Variants in PCSK5 observed in about 807,000 individuals in gnomAD.
PCSK5 encodes proprotein convertase subtilisin/kexin type 5, also known as prohormone convertase 5.
PCSK5 carries 129 observed loss-of-function variants against 233.2 expected under a neutral mutation model. The ratio of observed to expected loss-of-function variants is 0.55; its 90% CI spans 0.48 to 0.64. PCSK5 has a LOEUF of 0.64. PCSK5 is among the 30% of genes least tolerant of loss of function. The probability of loss-of-function intolerance (pLI) is 0.00; values close to 1 mark genes in which losing one functional copy is unlikely to be tolerated. For synonymous variants in PCSK5, 825 were observed against 879.2 expected, an observed-to-expected ratio of 0.94 and a Z score of 1.09; for missense variants, 2,076 against 2,430.1, an observed-to-expected ratio of 0.85 and a Z score of 3.06.
At chr9:76,185,941 G>A (rs1337840046) in intron 17 of PCSK5, among the ~76,000 whole-genome samples, 1 of 152,068 alleles carries the variant, frequency 6.6e-6, no homozygotes, top group East Asian at 1.9e-4. Flanking sequence ...AATAAAAGAT[G>A]ATTTAAATTA....
rs546744650 is a variant in PCSK5, at chr9:76,157,006, G to A, written c.1313-39G>A. The stretch of plus-strand genomic sequence containing the variant: ...TGAGTGACGTTATAATTTGACCTAT[G>A]TAGCTTAGTGAAGCTGACCAGTCTC... On this transcript the variant is annotated intron_variant, in intron 10 of 37. Coordinates refer to ENST00000674117, the MANE Select transcript of PCSK5 (RefSeq NM_001372043.1). The A allele has an allele frequency of 2.7e-5, 38 of 1,403,174 alleles. No homozygotes were observed. The South Asian group carries it at 4.3e-4, about 16-fold the overall frequency. The allele number at this position is 1,403,174 out of a possible 1,614,324, so 86.9% of individuals were successfully genotyped here.
chr9:76,284,518 C>CTTTTTTTTTTTTTTTTTTTTTTTTTT (rs35359559), intron 24 of PCSK5, among the ~76,000 whole-genome samples: 1 of 127,290 alleles, frequency 7.9e-6, no homozygotes, highest in Non-Finnish European at 1.6e-5. Flanking sequence ...CCATTAAACC[C>CTTTTTTTTTTTTTTTTTTTTTTTTTT]TTTTTTTTTT....
intron 24 of PCSK5, among the ~76,000 whole-genome samples, chr9:76,281,184 G>A (rs114644901): frequency 0.022 from 3,299 of 152,342 alleles, 120 homozygotes; most frequent in African/African-American, 0.075. Flanking sequence ...GCAAACAACA[G>A]ATTTCCAGTT....
chr9:75,985,580 G>C (rs1163974162), intron 2 of PCSK5, among the ~76,000 whole-genome samples: 1 of 152,044 alleles, frequency 6.6e-6, no homozygotes, highest in African/African-American at 2.4e-5. Flanking sequence ...AAGTCAGTAA[G>C]TCAGGAATTA....
intron 25 of PCSK5, 55 bp downstream of exon 25, chr9:76,292,330 T>A: frequency 9.2e-7 from 1 of 1,089,142 alleles, no homozygotes; most frequent in Non-Finnish European, 1.4e-6. Flanking sequence ...TAAGCATTAC[T>A]GACATAATCC....
chr9:76,062,718 A>C (rs1028622116), intron 5 of PCSK5, among the ~76,000 whole-genome samples: 1 of 152,230 alleles, frequency 6.6e-6, no homozygotes, highest in East Asian at 1.9e-4. Flanking sequence ...TGGTATTTCA[A>C]TATATGCATG....
At chr9:75,968,684 G>T (rs1368819811) in intron 2 of PCSK5, among the ~76,000 whole-genome samples, 8 of 152,300 alleles carry the variant, frequency 5.3e-5, no homozygotes, top group Middle Eastern at 3.4e-3. Context: ...CCAGCCAGGG[G>T]ATTATTAGGG....
chr9:76,159,495 T>C (rs1368349856), intron 12 of PCSK5, among the ~76,000 whole-genome samples: 1 of 152,220 alleles, frequency 6.6e-6, no homozygotes, highest in Non-Finnish European at 1.5e-5. Context: ...TAAGTATCTG[T>C]TGTCATTCGT....
intron 7 of PCSK5, among the ~76,000 whole-genome samples, chr9:76,085,135 G>C (rs144847001): frequency 6.8e-4 from 103 of 152,300 alleles, no homozygotes; most frequent in African/African-American, 2.3e-3. Context: ...TGTCGAGTGG[G>C]TCAGGTGGGC....
intron 2 of PCSK5, among the ~76,000 whole-genome samples, chr9:75,963,472 A>G (rs1427497149): frequency 6.6e-6 from 1 of 152,232 alleles, no homozygotes; most frequent in Admixed American, 6.5e-5. Context: ...GCCTCTTGAC[A>G]TTTAGTTTTC....
chr9:76,007,388 T>G (rs2131443895), intron 3 of PCSK5, among the ~76,000 whole-genome samples: 1 of 152,316 alleles, frequency 6.6e-6, no homozygotes, highest in African/African-American at 2.4e-5. Context: ...GGTAGATATT[T>G]GTCTACTAGT....
At chr9:76,039,620 A>G (rs539471375) in intron 5 of PCSK5, among the ~76,000 whole-genome samples, 3 of 152,334 alleles carry the variant, frequency 2.0e-5, no homozygotes, top group South Asian at 2.1e-4. Flanking sequence ...AAGCATGCCT[A>G]TGCTGATCCA....
intron 1 of PCSK5, among the ~76,000 whole-genome samples, chr9:75,924,844 T>C (rs903387573): frequency 6.6e-6 from 1 of 152,168 alleles, no homozygotes; most frequent in African/African-American, 2.4e-5. Flanking sequence ...GAGCATATGC[T>C]CTGGAATTAG....
chr9:76,223,218 C>T (rs1022601092), intron 20 of PCSK5, among the ~76,000 whole-genome samples: 1 of 152,172 alleles, frequency 6.6e-6, no homozygotes, highest in East Asian at 1.9e-4. Context: ...ATTCAGTGTA[C>T]ATATTTATTT....
intron 3 of PCSK5, among the ~76,000 whole-genome samples, chr9:76,019,000 A>G (rs1828071530): frequency 6.6e-6 from 1 of 152,174 alleles, no homozygotes; most frequent in Admixed American, 6.5e-5. Flanking sequence ...CAAGAGTTAC[A>G]TAGTCCTATG....
chr9:75,976,985 C>T (rs1003471440), intron 2 of PCSK5, among the ~76,000 whole-genome samples: 2 of 151,974 alleles, frequency 1.3e-5, no homozygotes, highest in Non-Finnish European at 1.5e-5. Context: ...TGGCATTGAC[C>T]ATTGAAATGC....
intron 24 of PCSK5, among the ~76,000 whole-genome samples, chr9:76,284,192 C>G (rs1827978252): frequency 6.6e-6 from 1 of 152,030 alleles, no homozygotes; most frequent in Non-Finnish European, 1.5e-5. Context: ...TACTCTAGCA[C>G]ATCTCTTTAA....
chr9:76,240,697 C>T lies in PCSK5; in HGVS notation c.3142+13C>T, dbSNP rs1251920890. 1 of 1,550,054 alleles carries T rather than the reference C, an allele frequency of 6.5e-7. No homozygotes were observed. Among genetic ancestry groups the T allele is most frequent in the South Asian group, 1.2e-5 (1 of 85,358 alleles). On this transcript the variant is annotated intron_variant, in intron 24 of 37. Coordinates refer to ENST00000674117, the MANE Select transcript of PCSK5 (RefSeq NM_001372043.1). ...GGATGCAGCTTGGGTATGTCCTCTTCCTTTGTCACCTAAAGAGTTGAAATA... is the reference window on the plus strand; with the variant it reads ...GGATGCAGCTTGGGTATGTCCTCTTTCTTTGTCACCTAAAGAGTTGAAATA...
At chr9:75,962,682 G>A (rs534017590) in intron 2 of PCSK5, among the ~76,000 whole-genome samples, 5 of 152,186 alleles carry the variant, frequency 3.3e-5, no homozygotes, top group Non-Finnish European at 7.3e-5. Context: ...GAAGCTGATC[G>A]AGAACCAGCA....
Sources: allele counts gnomAD v4.1 joint callset (sites outside exome capture counted in the v4.1 genomes callset), GRCh38; gene constraint gnomAD v4.1.1; transcripts MANE v1.5; gene names NCBI Gene and HGNC (gene_info 2026-07-23, HGNC 2026-07-21).